Variants in RIMS1 observed in about 807,000 individuals in gnomAD.
RIMS1 encodes regulating synaptic membrane exocytosis 1.
A neutral mutation model predicts 214.1 loss-of-function variants in RIMS1; 83 were observed. The ratio of observed to expected loss-of-function variants is 0.39; its 90% CI spans 0.32 to 0.47. The LOEUF is 0.47. Ranked by LOEUF, RIMS1 falls within the 20% of genes least tolerant of loss-of-function variation. The pLI is 0.99. For synonymous variants in RIMS1, 793 were observed against 786.8 expected (o/e 1.01, Z -0.13); for missense variants, 2,050 against 2,161.8 (o/e 0.95, Z 1.03).
chr6:72,008,447 T>G (rs1468361837), intron 2 of RIMS1, among the ~76,000 whole-genome samples: 1 of 152,194 alleles, frequency 6.6e-6, no homozygotes, highest in Non-Finnish European at 1.5e-5. Flanking sequence ...AACATCATAA[T>G]GACAGGATCA....
chr6:72,261,303 T>A, intron 19 of RIMS1: 1 of 999,064 alleles, frequency 1.0e-6, no homozygotes, highest in Non-Finnish European at 1.2e-6. Flanking sequence ...GTGAAGATAT[T>A]CAACCTGATC....
intron 4 of RIMS1, among the ~76,000 whole-genome samples, chr6:72,137,383 GA>G (rs1562401393): frequency 6.6e-6 from 1 of 151,968 alleles, no homozygotes; most frequent in Non-Finnish European, 1.5e-5. Flanking sequence ...GGAATCTTGT[GA>G]ACATGATACA....
intron 4 of RIMS1, among the ~76,000 whole-genome samples, chr6:72,175,665 C>T (rs1218517079): frequency 2.9e-5 from 4 of 138,220 alleles, no homozygotes; most frequent in East Asian, 2.5e-4. Context: ...AGGAGCAAAA[C>T]TCCATTCCCC....
intron 1 of RIMS1, among the ~76,000 whole-genome samples, chr6:71,914,946 G>A (rs1054458698): frequency 5.9e-5 from 9 of 152,112 alleles, no homozygotes; most frequent in African/African-American, 2.2e-4. Flanking sequence ...CACTATCAGA[G>A]TACCTTAAAT....
chr6:72,256,588 T>C (rs1236602316), intron 16 of RIMS1, among the ~76,000 whole-genome samples: 4 of 152,058 alleles, frequency 2.6e-5, no homozygotes, highest in Non-Finnish European at 4.4e-5. Context: ...CATAAGTCAA[T>C]ATTGGCCTTC....
chr6:71,941,281 A>T (rs546739933), intron 1 of RIMS1, among the ~76,000 whole-genome samples: 1 of 150,798 alleles, frequency 6.6e-6, no homozygotes, highest in Middle Eastern at 3.2e-3. Context: ...TTTACCCACT[A>T]CTTAAAGATA....
intron 1 of RIMS1, among the ~76,000 whole-genome samples, chr6:71,916,420 A>G (rs963420344): frequency 3.9e-5 from 6 of 152,136 alleles, no homozygotes; most frequent in Non-Finnish European, 8.8e-5. Flanking sequence ...TGTCCTACGA[A>G]GCGGTAATAA....
chr6:71,971,446 T>C (rs971298028), intron 2 of RIMS1, among the ~76,000 whole-genome samples: 1 of 152,200 alleles, frequency 6.6e-6, no homozygotes, highest in Non-Finnish European at 1.5e-5. Context: ...GCCAATTGAA[T>C]ATGGGTTTTA....
chr6:72,145,610 C>A (rs1330571888), intron 4 of RIMS1, among the ~76,000 whole-genome samples: 1 of 150,448 alleles, frequency 6.6e-6, no homozygotes, highest in Non-Finnish European at 1.5e-5. Flanking sequence ...GACTCCATCT[C>A]AAAAAAAAAT....
chr6:72,399,148 A>G (rs1564906091), intron 33 of RIMS1, 54 bp downstream of exon 33: 3 of 1,414,348 alleles, frequency 2.1e-6, no homozygotes, highest in Non-Finnish European at 2.8e-6. Context: ...TTACCCATAC[A>G]TCGAAGAGAT....
intron 9 of RIMS1, among the ~76,000 whole-genome samples, chr6:72,238,316 A>G (rs2065149499): frequency 6.6e-6 from 1 of 152,062 alleles, no homozygotes; most frequent in East Asian, 1.9e-4. Context: ...TTATATTTTA[A>G]GCTACAGTAA....
chr6:72,241,111 AC>A lies in RIMS1; in HGVS notation c.1958-1202del, dbSNP rs1279484318. ...TTACTTTTTACTCTTCAGTGAGCAA[AC>A]AATTGGAAAAAATAATTACTTTAAA... On this transcript the variant is annotated intron_variant, in intron 9 of 33. Transcript: ENST00000521978. Among the ~76,000 whole-genome samples, 9 of 152,338 alleles carry A rather than the reference AC, an allele frequency of 5.9e-5. No individual in the cohort carries two copies. The South Asian group carries it at 1.7e-3, about 28-fold the overall frequency.
intron 27 of RIMS1, among the ~76,000 whole-genome samples, chr6:72,310,120 A>C (rs187257333): frequency 1.3e-5 from 2 of 152,160 alleles, no homozygotes; most frequent in Admixed American, 1.3e-4. Flanking sequence ...TCCATTTGAC[A>C]TTTTGGACGA....
intron 1 of RIMS1, among the ~76,000 whole-genome samples, chr6:71,912,776 A>G (rs559568660): frequency 6.6e-6 from 1 of 152,324 alleles, no homozygotes; most frequent in African/African-American, 2.4e-5. Context: ...TGCCCAATAG[A>G]AAAATCTATT....
At chr6:71,945,753 T>TC (rs1445019309) in intron 1 of RIMS1, among the ~76,000 whole-genome samples, 3 of 149,046 alleles carry the variant, frequency 2.0e-5, no homozygotes, top group African/African-American at 7.3e-5. Flanking sequence ...GATGTAATCT[T>TC]TTTTTTTTTT....
chr6:72,345,626 G>C (rs2097237436), intron 29 of RIMS1, among the ~76,000 whole-genome samples: 1 of 151,684 alleles, frequency 6.6e-6, no homozygotes, highest in Admixed American at 6.6e-5. Context: ...TTTTAAACAA[G>C]CATAGATTTA....
At chr6:72,395,886 A>G (rs548651767) in intron 31 of RIMS1, among the ~76,000 whole-genome samples, 27 of 151,952 alleles carry the variant, frequency 1.8e-4, no homozygotes, top group Non-Finnish European at 2.9e-4. Flanking sequence ...TATTATGTAC[A>G]TATTATGTAT....
intron 29 of RIMS1, among the ~76,000 whole-genome samples, chr6:72,382,224 TC>T (rs1564725097): frequency 6.6e-6 from 1 of 152,162 alleles, no homozygotes; most frequent in East Asian, 1.9e-4. Context: ...CTAAAAATAA[TC>T]CTCCAACCTA....
intron 4 of RIMS1, among the ~76,000 whole-genome samples, chr6:72,130,878 G>T (rs1215417846): frequency 2.6e-5 from 4 of 151,978 alleles, no homozygotes; most frequent in African/African-American, 7.2e-5. Flanking sequence ...CAAAAATAAA[G>T]AAATTGGCAA....
Sources: gnomAD v4.1 joint callset for allele counts (sites outside exome capture counted in the v4.1 genomes callset) on GRCh38, gnomAD v4.1.1 for gene constraint, MANE v1.5 for transcripts, NCBI Gene and HGNC (gene_info 2026-07-23, HGNC 2026-07-21) for gene names.